The following CLIC5 variants were observed in gnomAD, a reference collection of about 807,000 sequenced individuals.
CLIC5 encodes chloride intracellular channel protein 5.
In CLIC5, 20 loss-of-function variants were observed where a neutral mutation model predicts 24.7. The ratio of observed to expected loss-of-function variants is 0.81; its 90% confidence interval spans 0.57 to 1.18. The LOEUF (loss-of-function observed/expected upper bound fraction) is 1.18, where lower values mean the gene tolerates loss of function less well. CLIC5 is among the 50% of genes most tolerant of loss of function. The probability of loss-of-function intolerance (pLI) is 0.00; values close to 1 mark genes in which losing one functional copy is unlikely to be tolerated. For synonymous variants in CLIC5, 159 were observed against 135.6 expected (o/e 1.17, Z -1.20); for missense variants, 341 against 326.1 (o/e 1.05, Z -0.35).
chr6:45,953,197 G>A (rs3777589), intron 2 of CLIC5, among the ~76,000 whole-genome samples: 132,874 of 152,162 alleles, frequency 0.87, 58,482 homozygotes, highest in Non-Finnish European at 0.9. Context: ...CAAATAACAC[G>A]GAGAAGTAAG....
intron 1 of CLIC5, among the ~76,000 whole-genome samples, chr6:46,011,206 C>T (rs1451233095): frequency 2.0e-5 from 3 of 152,222 alleles, no homozygotes; most frequent in Admixed American, 1.3e-4. Flanking sequence ...GTGGATAGGG[C>T]TTAATAGTTC....
At chr6:45,972,046 A>C (rs1323313082) in intron 1 of CLIC5, among the ~76,000 whole-genome samples, 2 of 152,202 alleles carry the variant, frequency 1.3e-5, no homozygotes, top group Non-Finnish European at 2.9e-5. Flanking sequence ...TGTAGCCTGC[A>C]TGAAAAGACC....
intron 4 of CLIC5, among the ~76,000 whole-genome samples, chr6:45,915,318 G>C (rs1370131004): frequency 2.6e-5 from 4 of 152,104 alleles, no homozygotes; most frequent in Non-Finnish European, 5.9e-5. Context: ...GGAAGAAAAG[G>C]CTATTAAATG....
intron 1 of CLIC5, among the ~76,000 whole-genome samples, chr6:45,956,978 C>T (rs974908567): frequency 3.3e-5 from 5 of 152,272 alleles, no homozygotes; most frequent in South Asian, 2.1e-4. Context: ...TTATGATGTA[C>T]GTTCCCTAGG....
chr6:45,961,832 C>A (rs1236709573), intron 1 of CLIC5, among the ~76,000 whole-genome samples: 2 of 152,096 alleles, frequency 1.3e-5, no homozygotes, highest in African/African-American at 2.4e-5. Context: ...GTCACCCAGG[C>A]ATTTTTCATT....
downstream of CLIC5, among the ~76,000 whole-genome samples, chr6:45,893,780 T>C (rs1437260668): frequency 1.3e-5 from 2 of 152,220 alleles, no homozygotes; most frequent in Non-Finnish European, 2.9e-5. Flanking sequence ...TTCCATAATA[T>C]GTTCCTAGTA....
chr6:46,075,337 G>A (rs562451788), intron 1 of CLIC5, among the ~76,000 whole-genome samples: 5 of 152,218 alleles, frequency 3.3e-5, no homozygotes, highest in African/African-American at 1.2e-4. Flanking sequence ...GGAGGCTGAG[G>A]TGGGAGAATC....
At chr6:45,994,614 A>AAAAAAT (rs997447647) in intron 1 of CLIC5, among the ~76,000 whole-genome samples, 12 of 151,686 alleles carry the variant, frequency 7.9e-5, no homozygotes, top group African/African-American at 2.9e-4. Flanking sequence ...GACTTAAAGT[A>AAAAAAT]AAAAATAAAA....
At chr6:46,090,797 T>G in the CLIC5 span, among the ~76,000 whole-genome samples, 1 of 152,234 alleles carries the variant, frequency 6.6e-6, no homozygotes, top group Admixed American at 6.5e-5. Flanking sequence ...GCTGACTTCT[T>G]ACATGTTTTA....
intron 1 of CLIC5, among the ~76,000 whole-genome samples, chr6:45,959,262 T>C (rs566089601): frequency 2.0e-5 from 3 of 152,348 alleles, no homozygotes; most frequent in Non-Finnish European, 2.9e-5. Context: ...GTTTTGTTTA[T>C]GTGGATGATA....
At chr6:45,952,982 T>C (rs1446200157) in intron 2 of CLIC5, among the ~76,000 whole-genome samples, 3 of 152,194 alleles carry the variant, frequency 2.0e-5, no homozygotes, top group Non-Finnish European at 2.9e-5. Flanking sequence ...AAAAACTAGT[T>C]TCTATGGAGG....
the CLIC5 span, among the ~76,000 whole-genome samples, chr6:46,118,441 G>T: frequency 6.6e-6 from 1 of 152,174 alleles, no homozygotes; most frequent in Admixed American, 6.5e-5. Context: ...GGGGCACAAT[G>T]AATATTTATG....
the CLIC5 span, among the ~76,000 whole-genome samples, chr6:46,123,814 A>G: frequency 1.3e-5 from 2 of 152,244 alleles, no homozygotes; most frequent in Non-Finnish European, 2.9e-5. Flanking sequence ...CCAAATCATG[A>G]GTGAACTCCC....
intron 1 of CLIC5, among the ~76,000 whole-genome samples, chr6:46,063,724 C>T (rs34958744): frequency 6.6e-6 from 1 of 152,140 alleles, no homozygotes; most frequent in Admixed American, 6.6e-5. Flanking sequence ...TTTGTGTTCC[C>T]AGTAGGAAGA....
intron 1 of CLIC5, among the ~76,000 whole-genome samples, chr6:46,067,007 C>T (rs1233724243): frequency 6.6e-6 from 1 of 152,046 alleles, no homozygotes; most frequent in Non-Finnish European, 1.5e-5. Flanking sequence ...TTGCTAGGGG[C>T]AGAACATGCA....
At chr6:45,897,311 C>T (rs1762406834), downstream of CLIC5, among the ~76,000 whole-genome samples, 2 of 152,290 alleles carry the variant, frequency 1.3e-5, no homozygotes, top group African/African-American at 4.8e-5. Context: ...TGGTCAGGAG[C>T]CCACTTTGAA....
intron 1 of CLIC5, among the ~76,000 whole-genome samples, chr6:45,968,734 G>C (rs1765097185): frequency 1.3e-5 from 2 of 152,222 alleles, no homozygotes; most frequent in Admixed American, 1.3e-4. Flanking sequence ...CCGTTAATAT[G>C]AGTGCTATGA....
Position 46,032,617 on chromosome 6 carries a change from A to T in CLIC5, c.540+47086T>A, listed in dbSNP as rs567939777. Among the ~76,000 whole-genome samples the T allele has an allele frequency of 1.5e-3, 223 of 152,332 alleles. 1 individual carries two copies. Among genetic ancestry groups the T allele is most frequent in the Non-Finnish European group, 2.5e-3 (169 of 68,024 alleles). ...GTGCTGCCTCCAACCCCCCATATGA[A>T]GTCAACCACGTTTATCTTTGGGAAG... On this transcript the variant is annotated intron_variant, in intron 1 of 5. Coordinates refer to the CLIC5 transcript ENST00000185206.
chr6:45,995,299 C>T (rs184406124), intron 1 of CLIC5, among the ~76,000 whole-genome samples: 12 of 152,334 alleles, frequency 7.9e-5, no homozygotes, highest in Non-Finnish European at 1.6e-4. Flanking sequence ...TTAGAGCACA[C>T]ATAGTAAGCA....
Sources: allele counts gnomAD v4.1 joint callset (sites outside exome capture counted in the v4.1 genomes callset), GRCh38; gene constraint gnomAD v4.1.1; transcripts MANE v1.5; gene names NCBI Gene and HGNC (gene_info 2026-07-23, HGNC 2026-07-21).